Variants in ZNF618 observed in about 807,000 individuals in gnomAD.
ZNF618 encodes the protein zinc finger protein 618.
Under a neutral mutation model 103.0 loss-of-function variants are expected in ZNF618, and 34 were observed. The ratio of observed to expected loss-of-function variants is 0.33; its 90% CI spans 0.25 to 0.44. The LOEUF (loss-of-function observed/expected upper bound fraction) is 0.44, where lower values mean the gene tolerates loss of function less well. Ranked by LOEUF, ZNF618 falls within the 20% of genes least tolerant of loss-of-function variation. ZNF618 has a pLI of 1.00. For synonymous variants in ZNF618, 551 were observed against 542.2 expected, an observed-to-expected ratio of 1.02 and a Z score of -0.23; for missense variants, 1,059 against 1,295.4, an observed-to-expected ratio of 0.82 and a Z score of 2.80.
At chr9:113,992,282 G>A (rs13290923) in intron 3 of ZNF618, among the ~76,000 whole-genome samples, 10 of 152,164 alleles carry the variant, frequency 6.6e-5, no homozygotes, top group Admixed American at 6.5e-5. Flanking sequence ...TTATAGAGGG[G>A]CAGACAAGGC....
intron 1 of ZNF618, among the ~76,000 whole-genome samples, chr9:113,944,645 A>G (rs756068670): frequency 1.7e-4 from 26 of 152,260 alleles, no homozygotes; most frequent in Non-Finnish European, 3.4e-4. Context: ...CCGCATGTGT[A>G]ACTTGAAATT....
At chr9:113,920,524 C>A (rs1832543523) in intron 1 of ZNF618, among the ~76,000 whole-genome samples, 1 of 151,930 alleles carries the variant, frequency 6.6e-6, no homozygotes, top group Admixed American at 6.5e-5. Context: ...GCCTCGGCCT[C>A]CCACGTAGCT....
Position 114,001,164 on chromosome 9 carries a change from C to T in ZNF618, c.434-832C>T, listed in dbSNP as rs78767376. Among the ~76,000 whole-genome samples, 1,452 of 152,262 alleles carry T rather than the reference C, an allele frequency of 9.5e-3. 29 individuals are homozygous for T. The highest frequency in any genetic ancestry group is 0.033 in the African/African-American group (1,350 of 41,516). ...GCTCTTCTTGGCTTCCTACCATGGG[C>T]CTTTGCTCTGACCTCTACATGGGCA... On this transcript the variant is annotated intron_variant, in intron 4 of 14. Coordinates refer to ENST00000374126, the MANE Select transcript of ZNF618 (RefSeq NM_001318042.2).
intron 10 of ZNF618, among the ~76,000 whole-genome samples, chr9:114,022,200 T>G (rs1843132137): frequency 6.6e-6 from 1 of 152,104 alleles, no homozygotes; most frequent in African/African-American, 2.4e-5. Flanking sequence ...TTGTGCCATT[T>G]TACATTCCAA....
chr9:113,996,893 A>T (rs2133500601), intron 3 of ZNF618, among the ~76,000 whole-genome samples: 1 of 152,296 alleles, frequency 6.6e-6, no homozygotes, highest in South Asian at 2.1e-4. Flanking sequence ...TGGTGGCAGT[A>T]GCATGGCTCT....
chr9:113,938,740 T>C (rs1834270949), intron 1 of ZNF618, among the ~76,000 whole-genome samples: 1 of 152,000 alleles, frequency 6.6e-6, no homozygotes, highest in African/African-American at 2.4e-5. Flanking sequence ...GGCTAATGTT[T>C]TGTATTTTTA....
chr9:113,939,240 T>A (rs948008062), intron 1 of ZNF618, among the ~76,000 whole-genome samples: 1 of 152,190 alleles, frequency 6.6e-6, no homozygotes, highest in Non-Finnish European at 1.5e-5. Flanking sequence ...CTTATGGAGA[T>A]GTAAAGAAAT....
At chr9:113,975,912 C>G (rs561392333) in intron 2 of ZNF618, among the ~76,000 whole-genome samples, 1 of 152,182 alleles carries the variant, frequency 6.6e-6, no homozygotes, top group South Asian at 2.1e-4. Flanking sequence ...TATTCTCACC[C>G]TACCAAAATT....
In ZNF618 at chr9:113,988,391, C is replaced by G; in HGVS notation, c.148C>G (p.Leu50Val). The G allele has an allele frequency of 6.2e-7, 1 of 1,613,624 alleles. No homozygotes were observed. The highest frequency in any genetic ancestry group is 8.5e-7 in the Non-Finnish European group (1 of 1,179,882). The change falls in exon 3 of 15, where the codon CTG becomes GTG. Residue 50 changes from leucine to valine, a missense_variant. Coordinates refer to ENST00000374126, the MANE Select transcript of ZNF618 (RefSeq NM_001318042.2). ...AGAGCCAGTGCCAGCCGAGGCCTCG[C>G]TGAGTGCCGAGCAAGGAACGATGAC... The part of the protein sequence containing the change: ...GPEPVPAEAS[L>V]SAEQGTMTEV...
Position 114,047,938 on chromosome 9 carries a change from C to G in ZNF618, c.1292C>G (p.Pro431Arg). 1 of 1,603,070 alleles carries G rather than the reference C, an allele frequency of 6.2e-7. No homozygotes were observed. Among genetic ancestry groups the G allele is most frequent in the Non-Finnish European group, 8.5e-7 (1 of 1,174,878 alleles). The change falls in exon 14 of 15, where the codon CCT becomes CGT. Residue 431 changes from proline to arginine, a missense_variant. Pro to Arg is a moderately radical substitution (Grantham distance 103). Coordinates refer to ENST00000374126, the MANE Select transcript of ZNF618 (RefSeq NM_001318042.2). Reference sequence around the variant, plus strand: ...GCCTCCAACCAGTCCCGATCGCCACCTGCTGTTGTAGAAGAGAAGTGGAAA... The same window carrying G: ...GCCTCCAACCAGTCCCGATCGCCACGTGCTGTTGTAGAAGAGAAGTGGAAA... Reference protein sequence around the residue: ...NIASNQSRSPPAVVEEKWKPQ... With the variant: ...NIASNQSRSPRAVVEEKWKPQ...
chr9:113,982,764 C>T (rs1839090568), intron 2 of ZNF618, among the ~76,000 whole-genome samples: 1 of 152,142 alleles, frequency 6.6e-6, no homozygotes, highest in African/African-American at 2.4e-5. Context: ...CTCATGGGTG[C>T]ATCTAAGAGC....
chr9:113,982,069 C>T (rs1462474204), intron 2 of ZNF618, among the ~76,000 whole-genome samples: 3 of 152,280 alleles, frequency 2.0e-5, no homozygotes, highest in Admixed American at 6.5e-5. Context: ...GGCACATTGG[C>T]CTGGCCAGAC....
At chr9:113,961,426 C>T (rs1022812803) in intron 1 of ZNF618, among the ~76,000 whole-genome samples, 4 of 152,344 alleles carry the variant, frequency 2.6e-5, no homozygotes, top group East Asian at 1.9e-4. Flanking sequence ...GATTCATCTT[C>T]GTATCCTCCA....
At chr9:113,898,258 T>A (rs1388817141) in intron 1 of ZNF618, among the ~76,000 whole-genome samples, 1 of 152,186 alleles carries the variant, frequency 6.6e-6, no homozygotes, top group African/African-American at 2.4e-5. Flanking sequence ...GTATGTTTCT[T>A]CTCTCAATCT....
In ZNF618 at chr9:113,955,146, C is replaced by CTCTT. The variant is rs1330686164; in HGVS notation, c.34-13970_34-13969insCTTT. 4.6e-5 allele frequency among the ~76,000 whole-genome samples: 6 copies of CTCTT among 130,548 alleles called. No individual in the cohort carries two copies. In the East Asian group the frequency reaches 9.5e-4, roughly 21 times the overall value. The allele number at this position is 130,548 out of a possible 152,430, so 85.6% of individuals were successfully genotyped here. A position where few individuals can be genotyped will look rare whatever the true frequency, so the allele number is the denominator to read the frequency against. On this transcript the variant is annotated intron_variant, in intron 1 of 14. Coordinates refer to ENST00000374126, the MANE Select transcript of ZNF618 (RefSeq NM_001318042.2). ...ATTTAAAGGGCCTAGAGTGACTTCTCTTTTTTTTTTTTTTTTGTCTATCCT... is the reference window on the plus strand; with the variant it reads ...ATTTAAAGGGCCTAGAGTGACTTCTCTCTTTTTTTTTTTTTTTTTTGTCTATCCT...
chr9:113,895,120 T>C (rs1232060755), intron 1 of ZNF618, among the ~76,000 whole-genome samples: 1 of 152,182 alleles, frequency 6.6e-6, no homozygotes, highest in Admixed American at 6.5e-5. Flanking sequence ...TCTGAGTTGC[T>C]AAGAGTTTTT....
intron 3 of ZNF618, among the ~76,000 whole-genome samples, chr9:113,996,346 C>T (rs974816040): frequency 2.0e-5 from 3 of 152,206 alleles, no homozygotes; most frequent in Admixed American, 6.5e-5. Flanking sequence ...CCTACCCTTG[C>T]GTTTTTCTTC....
intron 1 of ZNF618, among the ~76,000 whole-genome samples, chr9:113,902,239 CA>C (rs1564148891): frequency 6.6e-6 from 1 of 152,140 alleles, no homozygotes; most frequent in East Asian, 1.9e-4. Context: ...ATTGCAGGGT[CA>C]GGGGCTGGTT....
Position 114,050,089 on chromosome 9 carries a change from G to A in ZNF618, c.2787G>A (p.Ala929=), listed in dbSNP as rs553008226. The change falls in exon 15 of 15, where the codon GCG becomes GCA. Residue 929 remains alanine, a synonymous_variant. Coordinates refer to ENST00000374126, the MANE Select transcript of ZNF618 (RefSeq NM_001318042.2). The part of the protein sequence containing the change: ...RSGCVNMCEQ[A]LLIKRRRLLS... ...GGTGTGTAAATATGTGTGAACAAGC[G>A]CTTCTAATCAAACGGAGGCGGCTGC... is the stretch of plus-strand genomic sequence containing the variant. 84 of 1,611,322 alleles carry A rather than the reference G, an allele frequency of 5.2e-5. No homozygotes were observed. Among genetic ancestry groups the A allele is most frequent in the Non-Finnish European group, 6.5e-5 (77 of 1,178,948 alleles).
Sources: gnomAD v4.1 joint callset for allele counts (sites outside exome capture counted in the v4.1 genomes callset) on GRCh38, gnomAD v4.1.1 for gene constraint, MANE v1.5 for transcripts, NCBI Gene and HGNC (gene_info 2026-07-23, HGNC 2026-07-21) for gene names.